Variants in RERE observed in about 807,000 individuals in gnomAD.
RERE encodes the protein arginine-glutamic acid dipeptide repeats protein.
RERE carries 40 observed loss-of-function variants against 146.1 expected under a neutral mutation model. That is an observed-to-expected ratio of 0.27 (90% CI 0.21 to 0.36). The LOEUF is 0.36. Ranked by LOEUF, RERE falls within the 10% of genes least tolerant of loss-of-function variation. The pLI is 1.00. For missense variants in RERE, 1,933 were observed against 2,138.7 expected (o/e 0.90, Z 1.90); for synonymous variants, 1,003 against 866.0 (o/e 1.16, Z -2.78).
At chr1:8,601,875 C>T (rs373676734) in intron 4 of RERE, among the ~76,000 whole-genome samples, 12 of 151,686 alleles carry the variant, frequency 7.9e-5, no homozygotes, top group East Asian at 5.8e-4. Flanking sequence ...AACTATCCAT[C>T]GTTAACAAGG....
intron 4 of RERE, among the ~76,000 whole-genome samples, chr1:8,600,266 G>A (rs1028261589): frequency 9.2e-5 from 14 of 152,118 alleles, no homozygotes; most frequent in African/African-American, 1.4e-4. Context: ...CCCAGTCTCC[G>A]TATGTCTTAA....
rs1641410183 is a variant in RERE at position 8,358,667 on chromosome 1, G to C, written c.3868C>G (p.Pro1290Ala). 2.5e-6 allele frequency: 4 copies of C among 1,585,524 alleles called. No individual in the cohort carries two copies. The highest frequency in any genetic ancestry group is 2.6e-6 in the Non-Finnish European group (3 of 1,164,150). Residue 1290 changes from proline (P) to alanine (A), a missense_variant, in exon 20 of 23, where the codon CCT (proline) becomes GCT (alanine). Pro to Ala is a conservative substitution (Grantham distance 27). Coordinates refer to ENST00000400908, the MANE Select transcript of RERE (RefSeq NM_001042681.2). ...PTDPLLAYHM[P>A]GLYNVDPTIR... ...GTGGGGTCGACGTTGTAGAGGCCAG[G>C]CATGTGGTAGGCCAGCAGGGGGTCC...
intron 4 of RERE, among the ~76,000 whole-genome samples, chr1:8,612,283 A>T (rs1646801882): frequency 1.3e-5 from 2 of 152,186 alleles, no homozygotes; most frequent in Non-Finnish European, 2.9e-5. Context: ...ACTGTATTAG[A>T]TCTGTGTGCC....
chr1:8,621,046 G>C lies in RERE; in HGVS notation c.396+3264C>G, dbSNP rs756175341. ...ATACACCTACCAGTGTAGGACGGTGGTGTCCCTATGTGTTTTGATGGTTGA... is the reference window on the plus strand; with the variant it reads ...ATACACCTACCAGTGTAGGACGGTGCTGTCCCTATGTGTTTTGATGGTTGA... On this transcript the variant is annotated intron_variant, in intron 3 of 22. Transcript: ENST00000400908. 3.6e-4 allele frequency among the ~76,000 whole-genome samples: 54 copies of C among 151,440 alleles called. No homozygotes were observed. In the Middle Eastern group the frequency reaches 0.01, roughly 29 times the overall value.
chr1:8,381,563 G>T (rs1029092598), intron 12 of RERE, among the ~76,000 whole-genome samples: 4 of 152,140 alleles, frequency 2.6e-5, no homozygotes, highest in African/African-American at 9.7e-5. Context: ...TTAGTTACGA[G>T]AATCAAAATT....
intron 1 of RERE, among the ~76,000 whole-genome samples, chr1:8,662,739 A>G (rs1171512409): frequency 6.6e-6 from 1 of 152,090 alleles, no homozygotes; most frequent in Non-Finnish European, 1.5e-5. Flanking sequence ...TCAGTACTTA[A>G]GCTTAAGGAA....
intron 12 of RERE, among the ~76,000 whole-genome samples, chr1:8,371,552 G>C (rs1303659541): frequency 1.3e-5 from 2 of 152,126 alleles, no homozygotes; most frequent in Non-Finnish European, 2.9e-5. Context: ...CCTAGCGGAG[G>C]GACAGCTCAG....
chr1:8,746,005 C>T (rs1470929756), intron 1 of RERE, among the ~76,000 whole-genome samples: 1 of 152,202 alleles, frequency 6.6e-6, no homozygotes, highest in African/African-American at 2.4e-5. Flanking sequence ...GTTGAGGCTG[C>T]AATGAGCCAT....
chr1:8,428,068 A>G (rs921484536), intron 11 of RERE, among the ~76,000 whole-genome samples: 2 of 152,232 alleles, frequency 1.3e-5, no homozygotes, highest in Non-Finnish European at 2.9e-5. Context: ...GCTGAAATTC[A>G]AGGTCTCATG....
At chr1:8,412,858 A>G (rs2124458844) in intron 12 of RERE, among the ~76,000 whole-genome samples, 1 of 152,280 alleles carries the variant, frequency 6.6e-6, no homozygotes, top group Non-Finnish European at 1.5e-5. Flanking sequence ...TCCAGGTTTC[A>G]AACTGGTCTT....
At chr1:8,815,227 T>A (rs1203527976) in intron 1 of RERE, among the ~76,000 whole-genome samples, 3 of 152,208 alleles carry the variant, frequency 2.0e-5, no homozygotes, top group Non-Finnish European at 2.9e-5. Flanking sequence ...TTATAACCCT[T>A]ATTTACAAAA....
At chr1:8,601,776 C>A (rs1646633911) in intron 4 of RERE, among the ~76,000 whole-genome samples, 1 of 145,690 alleles carries the variant, frequency 6.9e-6, no homozygotes, top group Admixed American at 6.8e-5. Flanking sequence ...CACACACACA[C>A]AAACACACAC....
chr1:8,443,459 G>GA (rs144499944), intron 11 of RERE, among the ~76,000 whole-genome samples: 46,763 of 113,034 alleles, frequency 0.41, 8,952 homozygotes, highest in East Asian at 0.68. Flanking sequence ...CTCAAAAAAA[G>GA]AAAAAAAAAA....
intron 4 of RERE, among the ~76,000 whole-genome samples, chr1:8,595,413 G>A (rs1173312486): frequency 1.3e-5 from 2 of 151,362 alleles, no homozygotes; most frequent in African/African-American, 2.4e-5. Context: ...ATTAAAAAAA[G>A]TACACACACA....
At chr1:8,575,554 T>C (rs1646282268) in intron 4 of RERE, among the ~76,000 whole-genome samples, 2 of 83,536 alleles carry the variant, frequency 2.4e-5, no homozygotes, top group East Asian at 2.5e-4. Flanking sequence ...TATATATATA[T>C]ATATATATTT....
chr1:8,611,347 TACA>T (rs1482696542), intron 4 of RERE, among the ~76,000 whole-genome samples: 2 of 147,766 alleles, frequency 1.4e-5, no homozygotes, highest in African/African-American at 5.1e-5. Flanking sequence ...CTACTAAAAG[TACA>T]ACAACTAGCC....
intron 8 of RERE, among the ~76,000 whole-genome samples, chr1:8,499,515 C>T (rs1645100597): frequency 6.6e-6 from 1 of 152,216 alleles, no homozygotes; most frequent in Non-Finnish European, 1.5e-5. Flanking sequence ...AGTGTGTGTA[C>T]ATCCTCCATC....
chr1:8,807,402 A>G (rs2124601166), intron 1 of RERE, among the ~76,000 whole-genome samples: 1 of 152,208 alleles, frequency 6.6e-6, no homozygotes. Context: ...CCCCCCACCC[A>G]GTCCCAGGGA....
At chr1:8,642,222 T>C (rs1647190003) in intron 2 of RERE, among the ~76,000 whole-genome samples, 1 of 152,226 alleles carries the variant, frequency 6.6e-6, no homozygotes, top group African/African-American at 2.4e-5. Flanking sequence ...ACCTATGTGC[T>C]TGTGTATATA....
Sources: gnomAD v4.1 joint callset for allele counts (sites outside exome capture counted in the v4.1 genomes callset) on GRCh38, gnomAD v4.1.1 for gene constraint, MANE v1.5 for transcripts, NCBI Gene and HGNC (gene_info 2026-07-23, HGNC 2026-07-21) for gene names.